The following WDR49 variants were observed in gnomAD, a reference collection of about 807,000 sequenced individuals.
WDR49 encodes cilia- and flagella-associated protein 337.
WDR49 carries 107 observed loss-of-function variants against 119.5 expected under a neutral mutation model. The ratio of observed to expected loss-of-function variants is 0.90; its 90% CI spans 0.77 to 1.05. The LOEUF is 1.05. WDR49 is among the 50% of genes least tolerant of loss of function. The pLI, the probability that WDR49 is intolerant of heterozygous loss-of-function variation, is 0.00. For missense variants in WDR49, 1,240 were observed against 1,220.5 expected (o/e 1.02, Z -0.24); for synonymous variants, 425 against 418.8 (o/e 1.01, Z -0.18).
chr3:167,654,245 A>C (rs1290136626), upstream of WDR49, among the ~76,000 whole-genome samples: 1 of 152,142 alleles, frequency 6.6e-6, no homozygotes, highest in Non-Finnish European at 1.5e-5. Flanking sequence ...CTGGAATTTT[A>C]TGTTTTATAC....
At chr3:167,621,406 C>T (rs977565947) in intron 4 of WDR49, 61 bp downstream of exon 4, 8 of 1,391,318 alleles carry the variant, frequency 5.7e-6, no homozygotes, top group Non-Finnish European at 7.5e-6. Flanking sequence ...TTAATTTCTA[C>T]TTTAAACTAC....
At chr3:167,495,164 T>C (rs1014720082) in intron 18 of WDR49, among the ~76,000 whole-genome samples, 7 of 151,984 alleles carry the variant, frequency 4.6e-5, no homozygotes, top group African/African-American at 1.7e-4. Context: ...GAAAAATATA[T>C]ATATTAGAAG....
intron 7 of WDR49, among the ~76,000 whole-genome samples, chr3:167,592,448 T>C (rs2108297139): frequency 6.6e-6 from 1 of 150,668 alleles, no homozygotes; most frequent in Non-Finnish European, 1.5e-5. Flanking sequence ...TTTTTTTTTT[T>C]TTTTTGAGAT....
intron 10 of WDR49, among the ~76,000 whole-genome samples, chr3:167,545,110 T>C (rs1486811626): frequency 6.6e-6 from 1 of 151,996 alleles, no homozygotes; most frequent in Non-Finnish European, 1.5e-5. Context: ...TCAACATCAC[T>C]CATTATCAGG....
intron 16 of WDR49, among the ~76,000 whole-genome samples, chr3:167,511,348 T>C (rs944302457): frequency 6.6e-6 from 1 of 152,228 alleles, no homozygotes; most frequent in Non-Finnish European, 1.5e-5. Flanking sequence ...TTTTGATGCG[T>C]TATTTTTTCA....
chr3:167,645,539 T>C (rs1718079134), intron 2 of WDR49, among the ~76,000 whole-genome samples: 1 of 152,188 alleles, frequency 6.6e-6, no homozygotes, highest in Non-Finnish European at 1.5e-5. Flanking sequence ...CAAGGATTGC[T>C]AAATAGGAAT....
rs915684645 is a variant in WDR49, at chr3:167,614,891, C to T, written c.958+5538G>A. On this transcript the variant is annotated intron_variant, in intron 5 of 18. Transcript: ENST00000682715. ...TCACGTTACTGGGGTAAAGAGAATACCAAATTAAACAGTCATTGGTTGCTT... is the reference window on the plus strand; with the variant it reads ...TCACGTTACTGGGGTAAAGAGAATATCAAATTAAACAGTCATTGGTTGCTT... 3.9e-5 allele frequency among the ~76,000 whole-genome samples: 6 copies of T among 152,242 alleles called. No homozygotes were observed. In the East Asian group the frequency reaches 1.2e-3, roughly 29 times the overall value.
At position 167,522,298 on chromosome 3, in the gene WDR49, T is replaced by G; in HGVS notation, c.2774+17A>C. On this transcript the variant is annotated intron_variant, in intron 16 of 18. Transcript: ENST00000682715. ...TAGACTTCAGTTGACATCTGGCTAATGTTCAAAATTACTTACTTGTATGTT... is the reference window on the plus strand; with the variant it reads ...TAGACTTCAGTTGACATCTGGCTAAGGTTCAAAATTACTTACTTGTATGTT... 1 of 1,561,672 alleles carries G rather than the reference T, an allele frequency of 6.4e-7. No homozygotes were observed. The highest frequency in any genetic ancestry group is 8.6e-7 in the Non-Finnish European group (1 of 1,163,786).
chr3:167,554,385 G>T (rs2108265333), intron 10 of WDR49, among the ~76,000 whole-genome samples: 1 of 152,184 alleles, frequency 6.6e-6, no homozygotes, highest in Admixed American at 6.5e-5. Flanking sequence ...GGAAACTTTT[G>T]GAACCTAGGA....
At chr3:167,613,894 G>C (rs984807314) in intron 5 of WDR49, among the ~76,000 whole-genome samples, 1 of 150,074 alleles carries the variant, frequency 6.7e-6, no homozygotes. Context: ...GCAGTGAGCC[G>C]AGATCATGCC....
intron 18 of WDR49, among the ~76,000 whole-genome samples, chr3:167,482,062 A>C (rs1224722980): frequency 1.3e-5 from 2 of 152,236 alleles, no homozygotes; most frequent in African/African-American, 2.4e-5. Flanking sequence ...TTGACTTAGA[A>C]TACTCAAAAC....
In WDR49 at chr3:167,649,957, G is replaced by A. The variant is rs543252068; in HGVS notation, c.165+3304C>T. ...ATAAAGGCAGTTCAGGACCTAACCT[G>A]GAGAGCCCAGGAGCACAGGGCAAAC... On this transcript the variant is annotated intron_variant, in intron 2 of 18. Transcript: ENST00000682715. Among the ~76,000 whole-genome samples the A allele has an allele frequency of 4.6e-5, 7 of 152,276 alleles. No individual in the cohort carries two copies. The South Asian group carries it at 1.5e-3, about 32-fold the overall frequency.
At chr3:167,627,564 T>C (rs554494521) in intron 2 of WDR49, among the ~76,000 whole-genome samples, 3 of 151,964 alleles carry the variant, frequency 2.0e-5, no homozygotes, top group Non-Finnish European at 4.4e-5. Flanking sequence ...TATGTGATGA[T>C]AGAAGCATGG....
chr3:167,554,265 C>G (rs1712778661), intron 10 of WDR49, among the ~76,000 whole-genome samples: 1 of 152,046 alleles, frequency 6.6e-6, no homozygotes, highest in East Asian at 1.9e-4. Context: ...TTGGCTATTT[C>G]CCTCTTGTGT....
At chr3:167,655,893 GTC>G (rs892517817), upstream of WDR49, among the ~76,000 whole-genome samples, 16 of 150,546 alleles carry the variant, frequency 1.1e-4, no homozygotes, top group African/African-American at 1.7e-4. Context: ...GATAGACACT[GTC>G]TCTCTCTCTC....
intron 8 of WDR49, chr3:167,575,253 C>T (rs2108283267): frequency 2.0e-6 from 2 of 985,970 alleles, no homozygotes; most frequent in Non-Finnish European, 2.4e-6. Flanking sequence ...AGCTCACTGG[C>T]TTCACTGCCT....
intron 2 of WDR49, among the ~76,000 whole-genome samples, chr3:167,632,810 G>A (rs1395323629): frequency 3.3e-5 from 5 of 152,060 alleles, no homozygotes; most frequent in South Asian, 2.1e-4. Context: ...CATACACTGT[G>A]GTTGGGAAAT....
chr3:167,563,732 G>C (rs1393342003), intron 8 of WDR49, among the ~76,000 whole-genome samples: 1 of 152,100 alleles, frequency 6.6e-6, no homozygotes, highest in Non-Finnish European at 1.5e-5. Flanking sequence ...CCTTAAACAT[G>C]TATTATTTCT....
intron 3 of WDR49, 53 bp from the exon 4 acceptor site, chr3:167,621,696 T>C: frequency 2.0e-6 from 3 of 1,468,198 alleles, no homozygotes; most frequent in Non-Finnish European, 2.7e-6. Flanking sequence ...TTTAGCAAAA[T>C]TAATATGCAA....
Sources: gnomAD v4.1 joint callset for allele counts (sites outside exome capture counted in the v4.1 genomes callset) on GRCh38, gnomAD v4.1.1 for gene constraint, MANE v1.5 for transcripts, NCBI Gene and HGNC (gene_info 2026-07-23, HGNC 2026-07-21) for gene names.